Variants in SIM1 observed in about 807,000 individuals in gnomAD.
SIM1 encodes the protein single-minded homolog 1.
In SIM1, 18 loss-of-function variants were observed where a neutral mutation model predicts 78.2. The ratio of observed to expected loss-of-function variants is 0.23; its 90% CI spans 0.16 to 0.34. The LOEUF (loss-of-function observed/expected upper bound fraction) is 0.34. Ranked by LOEUF, SIM1 falls within the 10% of genes least tolerant of loss-of-function variation. The pLI, the probability that SIM1 is intolerant of heterozygous loss-of-function variation, is 1.00. For missense variants in SIM1, 939 were observed against 975.1 expected (o/e 0.96, Z 0.49); for synonymous variants, 417 against 385.2 (o/e 1.08, Z -0.97).
At chr6:100,398,993 T>C (rs1770840892) in intron 10 of SIM1, among the ~76,000 whole-genome samples, 1 of 151,816 alleles carries the variant, frequency 6.6e-6, no homozygotes, top group Non-Finnish European at 1.5e-5. Flanking sequence ...GCCATCCTAA[T>C]GGGTGTGAGA....
intron 2 of SIM1, among the ~76,000 whole-genome samples, chr6:100,454,153 A>G (rs1276707933): frequency 6.6e-6 from 1 of 152,124 alleles, no homozygotes. Context: ...GATAACTTTC[A>G]TGTAGGTTCA....
chr6:100,433,562 G>T (rs895596532), intron 9 of SIM1, among the ~76,000 whole-genome samples: 2 of 151,884 alleles, frequency 1.3e-5, no homozygotes, highest in South Asian at 2.1e-4. Flanking sequence ...TACTTTATAA[G>T]TATATTAAAA....
intron 9 of SIM1, among the ~76,000 whole-genome samples, chr6:100,429,230 C>T (rs1218949432): frequency 2.6e-5 from 4 of 152,100 alleles, no homozygotes; most frequent in African/African-American, 7.2e-5. Flanking sequence ...ATTAGCCTGG[C>T]GTGGTGGCAC....
intron 2 of SIM1, among the ~76,000 whole-genome samples, chr6:100,458,318 G>A (rs761777232): frequency 6.6e-6 from 1 of 152,194 alleles, no homozygotes; most frequent in Non-Finnish European, 1.5e-5. Flanking sequence ...GCCCAGCTTT[G>A]GCTATGCCAC....
chr6:100,419,073 G>A (rs1771492242), intron 10 of SIM1, among the ~76,000 whole-genome samples: 1 of 152,108 alleles, frequency 6.6e-6, no homozygotes, highest in African/African-American at 2.4e-5. Flanking sequence ...AGCTAAGGCA[G>A]GAGAATTGTT....
At chr6:100,401,543 A>G (rs963441576) in intron 10 of SIM1, among the ~76,000 whole-genome samples, 2 of 152,050 alleles carry the variant, frequency 1.3e-5, no homozygotes, top group African/African-American at 2.4e-5. Flanking sequence ...GAGGCATGAC[A>G]TATGTAACCT....
intron 10 of SIM1, among the ~76,000 whole-genome samples, chr6:100,420,447 T>C (rs1562243275): frequency 6.6e-6 from 1 of 152,208 alleles, no homozygotes; most frequent in Non-Finnish European, 1.5e-5. Flanking sequence ...TACATCGAGC[T>C]CTTGTTTCCT....
intron 9 of SIM1, among the ~76,000 whole-genome samples, chr6:100,440,986 A>G (rs1032870908): frequency 2.0e-5 from 3 of 152,176 alleles, no homozygotes; most frequent in Non-Finnish European, 4.4e-5. Flanking sequence ...TCCATTCACA[A>G]TAACATATAT....
chr6:100,433,215 C>T (rs548498570), intron 9 of SIM1, among the ~76,000 whole-genome samples: 1 of 152,326 alleles, frequency 6.6e-6, no homozygotes, highest in East Asian at 1.9e-4. Context: ...GTGCAGAATT[C>T]TCCAATGGCT....
chr6:100,390,899 G>T lies in SIM1; in HGVS notation c.1763C>A (p.Pro588His), dbSNP rs868527650. The T allele has an allele frequency of 5.6e-6, 9 of 1,613,998 alleles. No homozygotes were observed. The African/African-American group carries it at 1.2e-4, about 22-fold the overall frequency. Reference sequence around the variant, plus strand: ...ATTAATGGAAGCCAGTTGGTCTGAGGGGGCTTTCCTTAGCTGTAATCTGTT... The same window carrying T: ...ATTAATGGAAGCCAGTTGGTCTGAGTGGGCTTTCCTTAGCTGTAATCTGTT... ...EENRLQLRKA[P>H]SDQLASINGA... The change falls in exon 12 of 12, where the codon CCC (proline) becomes CAC (histidine). Residue 588 changes from proline (P) to histidine (H), a missense_variant. Around this residue, in one of 5 missense-constraint regions of SIM1, gnomAD observed 556 missense variants for 521.9 expected, o/e 1.07. Coordinates refer to ENST00000369208, the MANE Select transcript of SIM1 (RefSeq NM_005068.3).
chr6:100,447,605 C>A (rs1390697052), intron 8 of SIM1, among the ~76,000 whole-genome samples, 190 bp from the exon 9 acceptor site: 6 of 152,240 alleles, frequency 3.9e-5, no homozygotes, highest in Non-Finnish European at 7.3e-5. Flanking sequence ...TCGAGCCCTC[C>A]GGTCACCCTT....
chr6:100,449,673 A>G lies in SIM1; in HGVS notation c.375T>C (p.Tyr125=). 6.2e-7 allele frequency: 1 copy of G among 1,614,040 alleles called. No homozygotes were observed. Among genetic ancestry groups the G allele is most frequent in the Non-Finnish European group, 8.5e-7 (1 of 1,180,026 alleles). ...CGTGGTCTGCCGGGTGAATGTATTCATAAATGCTGTTTCCGGTCAGCTCTA... is the reference window on the plus strand; with the variant it reads ...CGTGGTCTGCCGGGTGAATGTATTCGTAAATGCTGTTTCCGGTCAGCTCTA... ...SQVELTGNSI[Y]EYIHPADHDE... is the part of the protein sequence containing the mutation. Residue 125 remains tyrosine, a synonymous_variant, in exon 5 of 12, where the codon TAT becomes TAC. Coordinates refer to ENST00000369208, the MANE Select transcript of SIM1 (RefSeq NM_005068.3).
At chr6:100,432,874 A>G (rs1359223288) in intron 9 of SIM1, among the ~76,000 whole-genome samples, 1 of 152,134 alleles carries the variant, frequency 6.6e-6, no homozygotes, top group East Asian at 1.9e-4. Context: ...CATGTTGTCC[A>G]CACACAACCC....
At chr6:100,396,801 A>G (rs899503898) in intron 10 of SIM1, among the ~76,000 whole-genome samples, 1 of 152,194 alleles carries the variant, frequency 6.6e-6, no homozygotes, top group Admixed American at 6.5e-5. Flanking sequence ...TATTTCAGGT[A>G]TTCATTAAAT....
intron 2 of SIM1, among the ~76,000 whole-genome samples, chr6:100,457,797 C>T (rs1260788780): frequency 1.3e-5 from 2 of 152,186 alleles, no homozygotes; most frequent in Non-Finnish European, 2.9e-5. Flanking sequence ...GTGTGGTTGA[C>T]CTGAGGGCAT....
chr6:100,387,494 T>TA lies in SIM1; in HGVS notation c.*2866dup, dbSNP rs1770543139. ...TACATTGTCATCAAATGTCTTAACT[T>TA]ACCTTGGGTCATTTTGTGATAATCA... On this transcript the variant is annotated 3_prime_UTR_variant, in exon 12 of 12. Transcript: ENST00000369208. 6.6e-6 allele frequency: 1 copy of TA among 152,066 alleles called. No homozygotes were observed. Among genetic ancestry groups the TA allele is most frequent in the Non-Finnish European group, 1.5e-5 (1 of 67,932 alleles). 9.4% of individuals were successfully genotyped at this position (152,066 alleles called of 1,614,324 possible). A position where few individuals can be genotyped will look rare whatever the true frequency, so the allele number is the denominator to read the frequency against.
chr6:100,458,182 A>G (rs879517636), intron 2 of SIM1, among the ~76,000 whole-genome samples: 15 of 152,056 alleles, frequency 9.9e-5, no homozygotes, highest in Admixed American at 9.8e-4. Flanking sequence ...CAGAAACCCA[A>G]GGAGGGCGGG....
chr6:100,453,881 C>T (rs1772579515), intron 2 of SIM1, 37 bp from the exon 3 acceptor site: 8 of 1,530,860 alleles, frequency 5.2e-6, no homozygotes, highest in Non-Finnish European at 6.3e-6. Context: ...GCCACTGAAC[C>T]CGGACCTGAC....
At chr6:100,415,385 A>G (rs1771372302) in intron 10 of SIM1, among the ~76,000 whole-genome samples, 1 of 152,250 alleles carries the variant, frequency 6.6e-6, no homozygotes, top group Non-Finnish European at 1.5e-5. Flanking sequence ...CTATTTTCAT[A>G]AGCATAACAA....
Sources: allele counts gnomAD v4.1 joint callset (sites outside exome capture counted in the v4.1 genomes callset), GRCh38; gene constraint gnomAD v4.1.1; regional missense constraint gnomAD v4.1.1; transcripts MANE v1.5; gene names NCBI Gene and HGNC (gene_info 2026-07-23, HGNC 2026-07-21).